The following ASPRV1 variants were observed in gnomAD, a reference collection of about 807,000 sequenced individuals.
ASPRV1 encodes aspartic peptidase retroviral like 1.
A neutral mutation model predicts 11.0 loss-of-function variants in ASPRV1; 7 were observed. That is an observed-to-expected ratio of 0.64 (90% CI 0.36 to 1.20). ASPRV1 has a LOEUF of 1.20. Ranked by LOEUF, ASPRV1 falls within the 50% of genes most tolerant of loss-of-function variation. The pLI is 0.02. For missense variants in ASPRV1, 299 were observed against 320.0 expected (o/e 0.93, Z 0.50); for synonymous variants, 136 against 138.4 (o/e 0.98, Z 0.12).
chr2:69,965,448 AAAAAAC>A (rs370106179), upstream of ASPRV1, among the ~76,000 whole-genome samples: 337 of 150,544 alleles, frequency 2.2e-3, 1 homozygote, highest in African/African-American at 7.3e-3. Flanking sequence ...TGGGCTAAAA[AAAAAAC>A]AAAAACAAAA....
chr2:70,020,863 A>C, the ASPRV1 span, among the ~76,000 whole-genome samples: 207 of 152,178 alleles, frequency 1.4e-3, 1 homozygote, highest in African/African-American at 4.6e-3. Context: ...GGGAGGGGAG[A>C]ATAGGGAGTT....
the ASPRV1 span, among the ~76,000 whole-genome samples, chr2:70,082,666 C>T: frequency 6.6e-6 from 1 of 152,160 alleles, no homozygotes; most frequent in Non-Finnish European, 1.5e-5. Context: ...GCCAGGATCG[C>T]GCCACTGCAC....
the ASPRV1 span, among the ~76,000 whole-genome samples, chr2:69,984,609 G>GATT: frequency 9.4e-6 from 1 of 106,176 alleles, no homozygotes; most frequent in African/African-American, 3.9e-5. Context: ...TTCAGGTCCA[G>GATT]CTTTTTTTTT....
the ASPRV1 span, among the ~76,000 whole-genome samples, chr2:69,984,705 C>G: frequency 7.4e-6 from 1 of 135,942 alleles, no homozygotes; most frequent in African/African-American, 2.7e-5. Context: ...CCTGCAACCT[C>G]TATCTCCCAG....
chr2:70,034,077 C>G, the ASPRV1 span, among the ~76,000 whole-genome samples: 3 of 150,082 alleles, frequency 2.0e-5, no homozygotes, highest in Non-Finnish European at 3.0e-5. Flanking sequence ...TGGCGTGAAC[C>G]CCGGGGGGTG....
the ASPRV1 span, among the ~76,000 whole-genome samples, chr2:70,057,561 C>T: frequency 1.3e-5 from 2 of 151,768 alleles, no homozygotes; most frequent in Admixed American, 6.6e-5. Flanking sequence ...TCACTGCAAC[C>T]TCCGCCTCCC....
the ASPRV1 span, chr2:70,003,409 G>A: frequency 6.6e-5 from 10 of 152,278 alleles, no homozygotes; most frequent in African/African-American, 1.7e-4. Flanking sequence ...AAGGTGAACA[G>A]GACACAAGTG....
At chr2:69,995,847 A>C in the ASPRV1 span, among the ~76,000 whole-genome samples, 2 of 152,192 alleles carry the variant, frequency 1.3e-5, no homozygotes, top group Non-Finnish European at 2.9e-5. Flanking sequence ...GGGGAGAAAG[A>C]AAGCCCATTT....
At chr2:69,951,545 C>A in the ASPRV1 span, among the ~76,000 whole-genome samples, 1 of 145,308 alleles carries the variant, frequency 6.9e-6, no homozygotes, top group African/African-American at 2.5e-5. Context: ...CATATATATA[C>A]ACATACATAT....
the ASPRV1 span, among the ~76,000 whole-genome samples, chr2:69,999,302 C>T: frequency 1.3e-5 from 2 of 151,780 alleles, no homozygotes; most frequent in African/African-American, 4.8e-5. Context: ...AAAAAAAACT[C>T]ACTAAAATAT....
the ASPRV1 span, among the ~76,000 whole-genome samples, chr2:70,038,941 T>G: frequency 1.3e-5 from 2 of 152,008 alleles, no homozygotes; most frequent in Non-Finnish European, 2.9e-5. Flanking sequence ...TAGCCAGGCA[T>G]AGTGGCACAT....
At chr2:70,034,154 T>TA in the ASPRV1 span, among the ~76,000 whole-genome samples, 5,383 of 69,164 alleles carry the variant, frequency 0.078, 304 homozygotes, top group African/African-American at 0.13. Flanking sequence ...CTCCATCTCA[T>TA]AAAAAAAAAA....
the ASPRV1 span, among the ~76,000 whole-genome samples, chr2:69,981,055 C>T: frequency 6.6e-6 from 1 of 152,212 alleles, no homozygotes; most frequent in African/African-American, 2.4e-5. Flanking sequence ...GGATTACAGG[C>T]GTGAGCCACT....
At chr2:70,031,253 A>G in the ASPRV1 span, 2 of 152,334 alleles carry the variant, frequency 1.3e-5, no homozygotes, top group Middle Eastern at 3.4e-3. Context: ...CTTACAATTC[A>G]GCACTTTATG....
At chr2:69,937,199 C>T in the ASPRV1 span, 21 of 1,610,352 alleles carry the variant, frequency 1.3e-5, no homozygotes, top group African/African-American at 2.5e-4. Flanking sequence ...TAGAGATCTC[C>T]CTGTGGGGCC....
the ASPRV1 span, among the ~76,000 whole-genome samples, chr2:70,079,106 G>A: frequency 6.6e-6 from 1 of 152,138 alleles, no homozygotes; most frequent in African/African-American, 2.4e-5. Context: ...AGATTTGAGA[G>A]GAGATGTTCT....
In ASPRV1 at chr2:69,960,597, C is replaced by T; in HGVS notation, c.*60G>A. ...AGTGACCCCCATGAGGATATGCAAC[C>T]CCCCCCACAGCGGTGGGTCTTCCCA... On this transcript the variant is annotated 3_prime_UTR_variant, in exon 1 of 1. Coordinates refer to ENST00000320256, the MANE Select transcript of ASPRV1 (RefSeq NM_152792.4). The T allele has an allele frequency of 5.3e-6, 8 of 1,516,184 alleles. No individual in the cohort carries two copies. Among genetic ancestry groups the T allele is most frequent in the Non-Finnish European group, 7.1e-6 (8 of 1,125,138 alleles). The allele number at this position is 1,516,184 out of a possible 1,614,324, so 93.9% of individuals were successfully genotyped here. A position where few individuals can be genotyped will look rare whatever the true frequency, so the allele number is the denominator to read the frequency against.
At chr2:69,946,384 C>T in the ASPRV1 span, among the ~76,000 whole-genome samples, 1 of 152,168 alleles carries the variant, frequency 6.6e-6, no homozygotes, top group Non-Finnish European at 1.5e-5. Flanking sequence ...ACCCTTAACA[C>T]CCTCGGTGAC....
upstream of ASPRV1, chr2:69,961,726 G>A (rs762459682): frequency 1.3e-5 from 20 of 1,514,278 alleles, no homozygotes; most frequent in African/African-American, 8.4e-5. Context: ...TCCTCACCCC[G>A]CCCTCCTGCC....
Sources: allele counts gnomAD v4.1 joint callset (sites outside exome capture counted in the v4.1 genomes callset), GRCh38; gene constraint gnomAD v4.1.1; transcripts MANE v1.5; gene names NCBI Gene and HGNC (gene_info 2026-07-23, HGNC 2026-07-21).